The following OXR1 variants were observed in gnomAD, a reference collection of about 807,000 sequenced individuals.
The protein encoded by OXR1 is oxidation resistance 1, also known as oxidation resistance protein 1.
A neutral mutation model predicts 104.6 loss-of-function variants in OXR1; 41 were observed. The observed-to-expected ratio is 0.39, with a 90% confidence interval of 0.31 to 0.51. The LOEUF (loss-of-function observed/expected upper bound fraction) is 0.51, where lower values mean the gene tolerates loss of function less well. Ranked by LOEUF, OXR1 falls within the 20% of genes least tolerant of loss-of-function variation. The pLI, the probability that OXR1 is intolerant of heterozygous loss-of-function variation, is 0.77. For synonymous variants in OXR1, 348 were observed against 348.4 expected (o/e 1.00, Z 0.01); for missense variants, 955 against 1,031.9 (o/e 0.93, Z 1.02).
At chr8:106,300,621 AC>A (rs1404468565) in intron 1 of OXR1, among the ~76,000 whole-genome samples, 1 of 152,066 alleles carries the variant, frequency 6.6e-6, no homozygotes, top group Non-Finnish European at 1.5e-5. Context: ...CAAATATTCG[AC>A]CCAAGGCATT....
In OXR1 at chr8:106,414,520, C is replaced by A. The variant is rs138110153; in HGVS notation, c.23+54884C>A. On this transcript the variant is annotated intron_variant, in intron 2 of 16. Transcript: ENST00000517566. ...GAATTCAAAATCAAATCTATCTCTC[C>A]AGAAGCAGATAGTCTTCTTATCTAT... Among the ~76,000 whole-genome samples, 592 of 152,206 alleles carry A rather than the reference C, an allele frequency of 3.9e-3. 2 individuals carry two copies. The highest frequency in any genetic ancestry group is 6.4e-3 in the Non-Finnish European group (432 of 68,012).
intron 1 of OXR1, among the ~76,000 whole-genome samples, chr8:106,332,198 C>T (rs1460230888): frequency 1.3e-5 from 2 of 152,010 alleles, no homozygotes; most frequent in Admixed American, 6.6e-5. Context: ...ATTTAGGATG[C>T]TCACATGGTA....
intron 2 of OXR1, among the ~76,000 whole-genome samples, chr8:106,446,584 C>T (rs1820019796): frequency 6.6e-6 from 1 of 151,444 alleles, no homozygotes; most frequent in African/African-American, 2.4e-5. Flanking sequence ...CATCACTGCA[C>T]TCCAGGCTGG....
intron 2 of OXR1, among the ~76,000 whole-genome samples, chr8:106,491,881 T>C (rs1277472057): frequency 6.6e-6 from 1 of 152,208 alleles, no homozygotes. Context: ...CTTTGTCACC[T>C]TTAGTATGTT....
At chr8:106,678,421 T>C (rs181818711) in intron 3 of OXR1, among the ~76,000 whole-genome samples, 329 of 152,192 alleles carry the variant, frequency 2.2e-3, no homozygotes, top group Non-Finnish European at 3.5e-3. Context: ...TTGCCATGTT[T>C]ACTATCTTAT....
chr8:106,458,405 A>T (rs1460394626), intron 2 of OXR1, among the ~76,000 whole-genome samples: 1 of 152,162 alleles, frequency 6.6e-6, no homozygotes, highest in Admixed American at 6.5e-5. Context: ...ACATGGTGCT[A>T]ATTCTACAGA....
At chr8:106,710,445 A>G (rs1210415234) in intron 9 of OXR1, among the ~76,000 whole-genome samples, 177 bp from the exon 10 acceptor site, 1 of 152,016 alleles carries the variant, frequency 6.6e-6, no homozygotes, top group Non-Finnish European at 1.5e-5. Flanking sequence ...GTCATGTTGT[A>G]TCTGTGACTT....
chr8:106,291,945 C>T (rs1812774139), intron 1 of OXR1, among the ~76,000 whole-genome samples: 1 of 152,132 alleles, frequency 6.6e-6, no homozygotes, highest in South Asian at 2.1e-4. Context: ...CCCCACCCCC[C>T]AACGGGTCCC....
Position 106,593,720 on chromosome 8 carries a change from G to A in OXR1, c.220+74581G>A, listed in dbSNP as rs1819294196. ...TGAACCAGGAGGCAGATCTTGCAGT[G>A]TGCAGAAATCGCGCCACGGCACTCC... On this transcript the variant is annotated intron_variant, in intron 3 of 16. Coordinates refer to ENST00000517566, the MANE Select transcript of OXR1 (RefSeq NM_001198533.2). Among the ~76,000 whole-genome samples the A allele has an allele frequency of 1.3e-5, 2 of 152,208 alleles. 1 individual carries two copies. The highest frequency in any genetic ancestry group is 4.8e-5 in the African/African-American group (2 of 41,462).
intron 3 of OXR1, among the ~76,000 whole-genome samples, chr8:106,534,694 A>T (rs1814350881): frequency 1.3e-5 from 2 of 152,358 alleles, no homozygotes; most frequent in African/African-American, 4.8e-5. Context: ...TCAACTGTTA[A>T]ATGGGAATAA....
chr8:106,352,921 C>T (rs984462811), intron 1 of OXR1, among the ~76,000 whole-genome samples: 2 of 152,132 alleles, frequency 1.3e-5, no homozygotes, highest in Non-Finnish European at 2.9e-5. Context: ...GAATTAATAA[C>T]AAGATAACAC....
intron 3 of OXR1, among the ~76,000 whole-genome samples, chr8:106,628,210 A>G (rs1822338104): frequency 1.3e-5 from 2 of 152,160 alleles, no homozygotes; most frequent in Admixed American, 6.6e-5. Flanking sequence ...AAGAGCTGAC[A>G]TTAGGAATGC....
rs1833348725 is a variant in OXR1, at chr8:106,726,376, T to A, written c.1957-11144T>A. The A allele has an allele frequency of 7.1e-6, 6 of 847,256 alleles. No homozygotes were observed. The East Asian group carries it at 1.8e-4, about 26-fold the overall frequency. 52.5% of individuals were successfully genotyped at this position (847,256 alleles called of 1,614,324 possible). On this transcript the variant is annotated intron_variant, in intron 11 of 16. Transcript: ENST00000517566. The stretch of plus-strand genomic sequence containing the variant: ...CTTTTCATGGTGACATTATGAAAAA[T>A]TATACAATTTCTGAAAGTTTAAGCA...
At chr8:106,443,065 A>G (rs1406243197) in intron 2 of OXR1, among the ~76,000 whole-genome samples, 1 of 152,052 alleles carries the variant, frequency 6.6e-6, no homozygotes, top group East Asian at 1.9e-4. Context: ...CTCCCTCTTA[A>G]CAGTGCTTTA....
At chr8:106,669,988 A>G (rs1315537415) in intron 3 of OXR1, among the ~76,000 whole-genome samples, 1 of 152,190 alleles carries the variant, frequency 6.6e-6, no homozygotes, top group Non-Finnish European at 1.5e-5. Flanking sequence ...TGGGTAGGAT[A>G]GGATCTGAAT....
intron 2 of OXR1, among the ~76,000 whole-genome samples, chr8:106,444,896 C>T (rs572496164): frequency 6.6e-6 from 1 of 152,040 alleles, no homozygotes; most frequent in Admixed American, 6.6e-5. Context: ...CACATACCCC[C>T]CATATATATA....
intron 1 of OXR1, among the ~76,000 whole-genome samples, chr8:106,277,145 A>G (rs1397552236): frequency 6.6e-6 from 1 of 152,176 alleles, no homozygotes; most frequent in Non-Finnish European, 1.5e-5. Flanking sequence ...ATTTATGGTG[A>G]CTGATATGCA....
At chr8:106,328,653 A>C (rs907423441) in intron 1 of OXR1, among the ~76,000 whole-genome samples, 1 of 152,152 alleles carries the variant, frequency 6.6e-6, no homozygotes, top group Non-Finnish European at 1.5e-5. Context: ...GATGGTGACA[A>C]TTTTGTTTCA....
intron 1 of OXR1, among the ~76,000 whole-genome samples, chr8:106,289,321 T>C (rs1004255403): frequency 1.3e-5 from 2 of 152,196 alleles, no homozygotes; most frequent in Non-Finnish European, 2.9e-5. Flanking sequence ...AAGTTTTCAG[T>C]ATACAAAATC....
Sources: gnomAD v4.1 joint callset for allele counts (sites outside exome capture counted in the v4.1 genomes callset) on GRCh38, gnomAD v4.1.1 for gene constraint, MANE v1.5 for transcripts, NCBI Gene and HGNC (gene_info 2026-07-23, HGNC 2026-07-21) for gene names.